CEP350: variants seen among roughly 807,000 people sequenced by gnomAD.
CEP350 encodes the protein centrosome-associated protein 350.
CEP350 carries 126 observed loss-of-function variants against 331.8 expected under a neutral mutation model. The ratio of observed to expected loss-of-function variants is 0.38; its 90% confidence interval spans 0.33 to 0.44. The LOEUF is 0.44. CEP350 is among the 20% of genes least tolerant of loss of function. The probability of loss-of-function intolerance (pLI) is 1.00; values close to 1 mark genes in which losing one functional copy is unlikely to be tolerated. For missense variants in CEP350, 3,406 were observed against 3,634.6 expected, an observed-to-expected ratio of 0.94 and a Z score of 1.62; for synonymous variants, 1,200 against 1,259.5, an observed-to-expected ratio of 0.95 and a Z score of 1.00.
At position 180,089,057 on chromosome 1, in the gene CEP350, A is replaced by G. The variant is rs188126211; in HGVS notation, c.6425+1340A>G. 2.3e-3 allele frequency among the ~76,000 whole-genome samples: 348 copies of G among 152,276 alleles called. 5 individuals carry two copies. The highest frequency in any genetic ancestry group is 4.2e-3 in the East Asian group (22 of 5,180). On this transcript the variant is annotated intron_variant, in intron 32 of 37. Coordinates refer to ENST00000367607, the MANE Select transcript of CEP350 (RefSeq NM_014810.5). Reference sequence around the variant, plus strand: ...TTATGAAGTGTACATTTTAATTTCTACATGATATGCTATTGAATGGGTTTG... The same window carrying G: ...TTATGAAGTGTACATTTTAATTTCTGCATGATATGCTATTGAATGGGTTTG...
chr1:180,098,777 T>C, intron 36 of CEP350, 86 bp from the exon 37 acceptor site: 2 of 1,044,148 alleles, frequency 1.9e-6, no homozygotes, highest in South Asian at 1.8e-5. Flanking sequence ...TATATTCTTA[T>C]CGTGAATCTG....
chr1:180,078,822 T>G (rs984379342), intron 29 of CEP350, 148 bp downstream of exon 29: 1 of 681,408 alleles, frequency 1.5e-6, no homozygotes, highest in African/African-American at 1.8e-5. Flanking sequence ...GAAATAAAGC[T>G]TTTCATTTAC....
chr1:179,978,270 G>A (rs958590660), intron 1 of CEP350, among the ~76,000 whole-genome samples: 4 of 152,050 alleles, frequency 2.6e-5, no homozygotes, highest in African/African-American at 9.7e-5. Flanking sequence ...AATTTAAATT[G>A]ACACAATTGT....
At position 180,053,923 on chromosome 1, in the gene CEP350, G is replaced by A. The variant is rs138485288; in HGVS notation, c.5163G>A (p.Glu1721=). ...EKTKAELAWL[E]HQKKHLRDKG... Reference sequence around the variant, plus strand: ...CTAAGGCTGAATTGGCCTGGTTAGAGCATCAAAAAAAGTAAGTTCTTTTGA... The same window carrying A: ...CTAAGGCTGAATTGGCCTGGTTAGAACATCAAAAAAAGTAAGTTCTTTTGA... Residue 1721 remains glutamate, a synonymous_variant, in exon 24 of 38, where the codon GAG becomes GAA. Coordinates refer to ENST00000367607, the MANE Select transcript of CEP350 (RefSeq NM_014810.5). The A allele has an allele frequency of 9.6e-4, 1,480 of 1,549,194 alleles. 3 individuals are homozygous for A. Among genetic ancestry groups the A allele is most frequent in the Non-Finnish European group, 1.2e-3 (1,336 of 1,148,424 alleles).
intron 1 of CEP350, among the ~76,000 whole-genome samples, chr1:179,960,270 T>C (rs564819477): frequency 6.4e-4 from 95 of 148,898 alleles, no homozygotes; most frequent in African/African-American, 2.3e-3. Flanking sequence ...CTCTCTGATG[T>C]GGGAGGAAAC....
intron 10 of CEP350, among the ~76,000 whole-genome samples, 200 bp from the exon 11 acceptor site, chr1:180,015,649 T>C (rs1375398591): frequency 6.6e-6 from 1 of 152,124 alleles, no homozygotes; most frequent in Non-Finnish European, 1.5e-5. Flanking sequence ...TGGCTCTCCG[T>C]TGGATTTTAG....
chr1:180,079,856 T>C (rs1320838517), intron 29 of CEP350, among the ~76,000 whole-genome samples: 1 of 152,156 alleles, frequency 6.6e-6, no homozygotes, highest in African/African-American at 2.4e-5. Flanking sequence ...AACTAGTATG[T>C]CTTAAAGTGG....
At position 180,111,693 on chromosome 1, in the gene CEP350, A is replaced by G. The variant is rs1317257318; in HGVS notation, c.*532A>G. 2 of 152,630 alleles carry G rather than the reference A, an allele frequency of 1.3e-5. No individual in the cohort carries two copies. The highest frequency in any genetic ancestry group is 2.4e-5 in the African/African-American group (1 of 41,438). 9.5% of individuals were successfully genotyped at this position (152,630 alleles called of 1,614,324 possible). ...TTTATTTCATTTCTTTTTGAAGACCATTTTCTTCCATTATTGTAGTTGAGC... is the reference window on the plus strand; with the variant it reads ...TTTATTTCATTTCTTTTTGAAGACCGTTTTCTTCCATTATTGTAGTTGAGC... On this transcript the variant is annotated 3_prime_UTR_variant, in exon 38 of 38. Transcript: ENST00000367607.
At chr1:179,995,436 C>G (rs1433552205) in intron 5 of CEP350, among the ~76,000 whole-genome samples, 2 of 152,084 alleles carry the variant, frequency 1.3e-5, no homozygotes, top group African/African-American at 4.8e-5. Flanking sequence ...GAAACCCTGT[C>G]TGTACTAAAA....
chr1:180,009,938 A>T (rs569199208), intron 8 of CEP350, among the ~76,000 whole-genome samples: 2 of 152,276 alleles, frequency 1.3e-5, no homozygotes, highest in African/African-American at 2.4e-5. Context: ...CTAAATGGAA[A>T]GTCTTTTATT....
intron 5 of CEP350, among the ~76,000 whole-genome samples, chr1:179,995,775 T>TA (rs1653416814): frequency 6.6e-6 from 1 of 152,238 alleles, no homozygotes; most frequent in African/African-American, 2.4e-5. Context: ...ATTTTCTAGA[T>TA]ACGCTTTACA....
At position 180,013,929 on chromosome 1, in the gene CEP350, A is replaced by C. The variant is rs1654811388; in HGVS notation, c.1476A>C (p.Arg492Ser). 1 of 1,613,852 alleles carries C rather than the reference A, an allele frequency of 6.2e-7. No homozygotes were observed. Among genetic ancestry groups the C allele is most frequent in the African/African-American group, 1.3e-5 (1 of 75,030 alleles). ...RHLQRNSERS[R>S]SKSRSENNIK... Reference sequence around the variant, plus strand: ...TTCAAAGAAACTCAGAACGTTCGAGAAGTAAATCTCGGTCTGAAAATAATA... The same window carrying C: ...TTCAAAGAAACTCAGAACGTTCGAGCAGTAAATCTCGGTCTGAAAATAATA... Residue 492 changes from arginine to serine, a missense_variant, in exon 10 of 38, where the codon AGA (arginine) becomes AGC (serine). Around this residue, in one of 5 missense-constraint regions of CEP350, gnomAD observed 1,857 missense variants for 1,909.2 expected, o/e 0.97. Coordinates refer to ENST00000367607, the MANE Select transcript of CEP350 (RefSeq NM_014810.5).
chr1:180,044,454 T>C (rs936750359), intron 21 of CEP350, among the ~76,000 whole-genome samples: 2 of 152,018 alleles, frequency 1.3e-5, no homozygotes, highest in African/African-American at 2.4e-5. Context: ...ATTATCCTTA[T>C]AGGTTAGAAA....
chr1:180,105,521 C>T (rs1056887535), intron 37 of CEP350, among the ~76,000 whole-genome samples: 2 of 152,164 alleles, frequency 1.3e-5, no homozygotes, highest in Admixed American at 6.6e-5. Flanking sequence ...ATTATGTTAG[C>T]TCTGGGTTTG....
chr1:180,054,233 C>A (rs963109218), intron 24 of CEP350, among the ~76,000 whole-genome samples, 182 bp from the exon 25 acceptor site: 3 of 152,218 alleles, frequency 2.0e-5, no homozygotes, highest in Non-Finnish European at 4.4e-5. Context: ...CTAGGGCTTG[C>A]ATATACCTCA....
chr1:180,059,046 T>C (rs977272241), intron 25 of CEP350, among the ~76,000 whole-genome samples: 4 of 152,224 alleles, frequency 2.6e-5, no homozygotes, highest in African/African-American at 9.6e-5. Context: ...GAACAGTTCA[T>C]TTGTACAACT....
At chr1:179,998,218 T>C (rs1653602012) in intron 6 of CEP350, among the ~76,000 whole-genome samples, 1 of 151,776 alleles carries the variant, frequency 6.6e-6, no homozygotes, top group Non-Finnish European at 1.5e-5. Flanking sequence ...TTTAATGTTT[T>C]AGTGGGTATT....
At chr1:179,965,001 T>C (rs1262804405) in intron 1 of CEP350, among the ~76,000 whole-genome samples, 1 of 152,132 alleles carries the variant, frequency 6.6e-6, no homozygotes, top group African/African-American at 2.4e-5. Flanking sequence ...AAGTTGTCAA[T>C]TTGATATCTT....
intron 8 of CEP350, among the ~76,000 whole-genome samples, chr1:180,009,907 A>G (rs549353899): frequency 7.9e-5 from 12 of 152,304 alleles, no homozygotes; most frequent in Non-Finnish European, 1.5e-4. Flanking sequence ...CTTATAAATT[A>G]TAGCCCTTTT....
Sources: gnomAD v4.1 joint callset for allele counts (sites outside exome capture counted in the v4.1 genomes callset) on GRCh38, gnomAD v4.1.1 for gene constraint, gnomAD v4.1.1 regional missense constraint, MANE v1.5 for transcripts, NCBI Gene and HGNC (gene_info 2026-07-23, HGNC 2026-07-21) for gene names.